Variants in WDR43 observed in about 807,000 individuals in gnomAD.
WDR43 encodes WD repeat-containing protein 43.
A neutral mutation model predicts 91.4 loss-of-function variants in WDR43; 13 were observed. The ratio of observed to expected loss-of-function variants is 0.14; its 90% CI spans 0.09 to 0.23. WDR43 has a LOEUF of 0.23. Among genes scored for constraint, WDR43 ranks in the 10% least tolerant of loss-of-function variants. The pLI, the probability that WDR43 is intolerant of heterozygous loss-of-function variation, is 1.00. For missense variants in WDR43, 780 were observed against 809.4 expected (o/e 0.96, Z 0.44); for synonymous variants, 331 against 287.9 (o/e 1.15, Z -1.51).
chr2:28,943,540 A>G (rs1010670714), intron 16 of WDR43, among the ~76,000 whole-genome samples: 1 of 152,200 alleles, frequency 6.6e-6, no homozygotes, highest in Non-Finnish European at 1.5e-5. Context: ...GATCATCCTC[A>G]AATACCCTGA....
rs1671555827 is a variant in WDR43 at position 28,947,057 on chromosome 2, T to A, written c.*278T>A. 8.5e-6 allele frequency: 2 copies of A among 234,998 alleles called. No homozygotes were observed. Among genetic ancestry groups the A allele is most frequent in the Non-Finnish European group, 1.6e-5 (2 of 122,218 alleles). The allele number at this position is 234,998 out of a possible 1,614,324, so 14.6% of individuals were successfully genotyped here. A position where few individuals can be genotyped will look rare whatever the true frequency, so the allele number is the denominator to read the frequency against. Reference sequence around the variant, plus strand: ...TATGGTATATTTTTATAATATAATATCCTAGTATGATTGGTTATATCAAGA... The same window carrying A: ...TATGGTATATTTTTATAATATAATAACCTAGTATGATTGGTTATATCAAGA... On this transcript the variant is annotated 3_prime_UTR_variant, in exon 18 of 18. Coordinates refer to ENST00000407426, the MANE Select transcript of WDR43 (RefSeq NM_015131.3).
At chr2:28,939,787 A>G (rs187710180) in intron 14 of WDR43, among the ~76,000 whole-genome samples, 12 of 152,324 alleles carry the variant, frequency 7.9e-5, no homozygotes, top group Admixed American at 5.9e-4. Flanking sequence ...TATTAGAAAT[A>G]GGAGTGCAGG....
intron 14 of WDR43, among the ~76,000 whole-genome samples, chr2:28,940,999 T>A (rs1034545048): frequency 1.3e-5 from 2 of 152,194 alleles, no homozygotes; most frequent in African/African-American, 4.8e-5. Context: ...TTTGTTCTAC[T>A]GGTCTCTGGG....
rs1309032901 is a variant in WDR43 at position 28,895,139 on chromosome 2, C to T, written c.225+216C>T. 3.6e-5 allele frequency: 14 copies of T among 392,928 alleles called. No homozygotes were observed. In the East Asian group the frequency reaches 3.9e-4, roughly 11 times the overall value. The allele number at this position is 392,928 out of a possible 1,614,324, so 24.3% of individuals were successfully genotyped here. Reference sequence around the variant, plus strand: ...GGAGGGCGCAGCTCGACCCGGCCGGCCTCGTATCCGAGCCCTGCCGGCTGG... The same window carrying T: ...GGAGGGCGCAGCTCGACCCGGCCGGTCTCGTATCCGAGCCCTGCCGGCTGG... On this transcript the variant is annotated intron_variant, in intron 1 of 17. Transcript: ENST00000407426.
At chr2:28,916,064 A>G (rs1247930114) in intron 5 of WDR43, among the ~76,000 whole-genome samples, 1 of 152,240 alleles carries the variant, frequency 6.6e-6, no homozygotes, top group East Asian at 1.9e-4. Context: ...CACATACCAG[A>G]GTGTACAAAC....
intron 7 of WDR43, among the ~76,000 whole-genome samples, chr2:28,923,932 G>A (rs539333815): frequency 2.0e-5 from 3 of 152,224 alleles, no homozygotes; most frequent in South Asian, 2.1e-4. Context: ...TAAGACAGTC[G>A]TTCATTGAGA....
chr2:28,916,969 G>C (rs1263821717), intron 5 of WDR43, among the ~76,000 whole-genome samples: 1 of 152,134 alleles, frequency 6.6e-6, no homozygotes, highest in Non-Finnish European at 1.5e-5. Flanking sequence ...ATGTCTGAGT[G>C]AAGCTTATTT....
chr2:28,912,707 C>T lies in WDR43; in HGVS notation c.603C>T (p.Tyr201=), dbSNP rs767716473. The change falls in exon 4 of 18, where the codon TAC becomes TAT. Residue 201 remains tyrosine, a synonymous_variant. Coordinates refer to ENST00000407426, the MANE Select transcript of WDR43 (RefSeq NM_015131.3). The part of the protein sequence containing the change: ...KLWVLETKEV[Y]RHFTGHATPV... ...GGGTTTTGGAGACCAAAGAAGTCTACAGGGTGAGCGAATCAAATTATTTGT... is the reference window on the plus strand; with the variant it reads ...GGGTTTTGGAGACCAAAGAAGTCTATAGGGTGAGCGAATCAAATTATTTGT... The T allele has an allele frequency of 3.1e-6, 5 of 1,613,000 alleles. No homozygotes were observed. The highest frequency in any genetic ancestry group is 4.5e-5 in the East Asian group (2 of 44,870).
chr2:28,927,282 A>T, intron 9 of WDR43: 1 of 442,414 alleles, frequency 2.3e-6, no homozygotes, highest in South Asian at 2.0e-5. Flanking sequence ...CTTGTATACC[A>T]ACGTTAGTGA....
intron 10 of WDR43, 69 bp from the exon 11 acceptor site, chr2:28,929,507 TTTA>T (rs1671201184): frequency 7.1e-6 from 9 of 1,262,058 alleles, no homozygotes; most frequent in South Asian, 4.5e-5. Flanking sequence ...TTTATTTTAT[TTTA>T]TTTTTTTTGT....
intron 8 of WDR43, among the ~76,000 whole-genome samples, chr2:28,925,373 A>G (rs191178411): frequency 1.6e-4 from 25 of 152,308 alleles, no homozygotes; most frequent in Admixed American, 1.4e-3. Flanking sequence ...TATTTATATC[A>G]GCCCTCTCCC....
intron 3 of WDR43, among the ~76,000 whole-genome samples, chr2:28,907,096 T>C (rs1670695217): frequency 6.6e-6 from 1 of 152,150 alleles, no homozygotes; most frequent in African/African-American, 2.4e-5. Flanking sequence ...CCTTGTGTCA[T>C]AGATAAAGAT....
chr2:28,925,562 G>C (rs1011860048), intron 8 of WDR43, among the ~76,000 whole-genome samples: 1 of 152,138 alleles, frequency 6.6e-6, no homozygotes, highest in Non-Finnish European at 1.5e-5. Context: ...TTAATAATAG[G>C]ATCTCTTAGT....
At position 28,926,623 on chromosome 2, in the gene WDR43, A is replaced by G. The variant is rs2148191980; in HGVS notation, c.1173+69A>G. On this transcript the variant is annotated intron_variant, in intron 9 of 17. Coordinates refer to ENST00000407426, the MANE Select transcript of WDR43 (RefSeq NM_015131.3). ...CTTTGGGTGAATGGAACTGTTACTTAGTATTATGATTAAACTGAGTTTTTT... is the reference window on the plus strand; with the variant it reads ...CTTTGGGTGAATGGAACTGTTACTTGGTATTATGATTAAACTGAGTTTTTT... 3.0e-6 allele frequency: 4 copies of G among 1,330,576 alleles called. No individual in the cohort carries two copies. The East Asian group carries it at 1.0e-4, about 34-fold the overall frequency. The allele number at this position is 1,330,576 out of a possible 1,614,324, so 82.4% of individuals were successfully genotyped here.
chr2:28,940,827 G>A (rs962985056), intron 14 of WDR43, among the ~76,000 whole-genome samples: 2 of 152,184 alleles, frequency 1.3e-5, no homozygotes, highest in East Asian at 1.9e-4. Context: ...TTTATCAGTC[G>A]TGTTGTGTTC....
At chr2:28,920,888 G>A (rs1189186744) in intron 6 of WDR43, among the ~76,000 whole-genome samples, 1 of 151,910 alleles carries the variant, frequency 6.6e-6, no homozygotes, top group East Asian at 1.9e-4. Flanking sequence ...TGTTGGCCAG[G>A]CTGGTCTTGA....
Position 28,894,803 on chromosome 2 carries a change from C to T in WDR43, c.105C>T (p.Asp35=), listed in dbSNP as rs768751200. 1.2e-6 allele frequency: 2 copies of T among 1,610,658 alleles called. No homozygotes were observed. Among genetic ancestry groups the T allele is most frequent in the South Asian group, 1.1e-5 (1 of 90,438 alleles). ...CCTACTTCGCTTTGGCCTCTACCGA[C>T]GGTCACTTACGAGTATGGGAGACGG... ...SQAYFALAST[D]GHLRVWETAN... is the part of the protein sequence containing the mutation. Residue 35 remains aspartate (D), a synonymous_variant, in exon 1 of 18, where the codon GAC becomes GAT. Coordinates refer to ENST00000407426, the MANE Select transcript of WDR43 (RefSeq NM_015131.3).
Position 28,947,863 on chromosome 2 carries a change from A to AGTTTTTTTTTTTTTTTTTTTTTTTTTTT in WDR43, c.*1110_*1111insTTGTTTTTTTTTTTTTTTTTTTTTTTTT, listed in dbSNP as rs1671576558. ...AAAGCCTTTGCAAATTATCAGTAGTAGTTTTTTTTTTTTTTTTTTTTTTTT... is the reference window on the plus strand; with the variant it reads ...AAAGCCTTTGCAAATTATCAGTAGTAGTTTTTTTTTTTTTTTTTTTTTTTTTTTGTTTTTTTTTTTTTTTTTTTTTTTT... On this transcript the variant is annotated 3_prime_UTR_variant, in exon 18 of 18. Transcript: ENST00000407426. 1 of 80,646 alleles carries AGTTTTTTTTTTTTTTTTTTTTTTTTTTT rather than the reference A, an allele frequency of 1.2e-5. No individual in the cohort carries two copies. Among genetic ancestry groups the AGTTTTTTTTTTTTTTTTTTTTTTTTTTT allele is most frequent in the Non-Finnish European group, 2.5e-5 (1 of 40,374 alleles). The allele number at this position is 80,646 out of a possible 1,614,324, so 5.0% of individuals were successfully genotyped here. A position where few individuals can be genotyped will look rare whatever the true frequency, so the allele number is the denominator to read the frequency against.
Position 28,942,332 on chromosome 2 carries a change from A to G in WDR43, c.1755A>G (p.Thr585=), listed in dbSNP as rs558931427. 1 of 1,613,520 alleles carries G rather than the reference A, an allele frequency of 6.2e-7. No individual in the cohort carries two copies. The highest frequency in any genetic ancestry group is 1.7e-5 in the Admixed American group (1 of 60,008). The change falls in exon 16 of 18, where the codon ACA becomes ACG. Residue 585 remains threonine, a synonymous_variant. Transcript: ENST00000407426. The stretch of plus-strand genomic sequence containing the variant: ...TCCAGGTAACAGCATCAGAGAAGAC[A>G]AAGGGAGCAACTTCCCCTGGACAGA... The part of the protein sequence containing the change: ...LITQVTASEK[T]KGATSPGQKA...
Sources: allele counts gnomAD v4.1 joint callset (sites outside exome capture counted in the v4.1 genomes callset), GRCh38; gene constraint gnomAD v4.1.1; transcripts MANE v1.5; gene names NCBI Gene and HGNC (gene_info 2026-07-23, HGNC 2026-07-21).